PDGFD: variants seen among roughly 807,000 people sequenced by gnomAD.
PDGFD encodes the protein platelet-derived growth factor D.
PDGFD carries 30 observed loss-of-function variants against 44.7 expected under a neutral mutation model. The observed-to-expected ratio is 0.67, with a 90% confidence interval of 0.50 to 0.91. PDGFD has a LOEUF of 0.91. Ranked by LOEUF, PDGFD falls within the 40% of genes least tolerant of loss-of-function variation. The pLI, the probability that PDGFD is intolerant of heterozygous loss-of-function variation, is 0.00. For synonymous variants in PDGFD, 173 were observed against 168.4 expected, an observed-to-expected ratio of 1.03 and a Z score of -0.21; for missense variants, 445 against 457.8, an observed-to-expected ratio of 0.97 and a Z score of 0.25.
chr11:103,965,962 T>C (rs1859013610), intron 3 of PDGFD, among the ~76,000 whole-genome samples: 1 of 152,180 alleles, frequency 6.6e-6, no homozygotes, highest in Non-Finnish European at 1.5e-5. Context: ...ATTCAGCAAG[T>C]TGACGGCACT....
At chr11:104,134,119 A>G (rs1191260477) in intron 1 of PDGFD, among the ~76,000 whole-genome samples, 1 of 149,834 alleles carries the variant, frequency 6.7e-6, no homozygotes, top group Non-Finnish European at 1.5e-5. Context: ...TTATATTTCC[A>G]TCACCCTTTT....
At chr11:104,032,796 A>G (rs1860149946) in intron 1 of PDGFD, among the ~76,000 whole-genome samples, 1 of 152,050 alleles carries the variant, frequency 6.6e-6, no homozygotes, top group South Asian at 2.1e-4. Flanking sequence ...TAGGCCATAC[A>G]ATTAGAATTG....
intron 5 of PDGFD, among the ~76,000 whole-genome samples, chr11:103,930,117 C>A (rs1858377887): frequency 6.6e-6 from 1 of 152,164 alleles, no homozygotes; most frequent in Non-Finnish European, 1.5e-5. Flanking sequence ...TTTATCAAAG[C>A]TCTTTGACAT....
At chr11:103,939,475 T>C (rs560947614) in intron 5 of PDGFD, among the ~76,000 whole-genome samples, 4 of 152,324 alleles carry the variant, frequency 2.6e-5, no homozygotes, top group Admixed American at 6.5e-5. Flanking sequence ...TGGGGTTTTC[T>C]AGATATACAA....
chr11:104,033,751 T>G (rs186249421), intron 1 of PDGFD, among the ~76,000 whole-genome samples: 4 of 152,326 alleles, frequency 2.6e-5, no homozygotes, highest in Admixed American at 2.0e-4. Flanking sequence ...AAAACTGAAT[T>G]AAAGTCTTAC....
chr11:104,031,786 A>G (rs992226934), intron 1 of PDGFD, among the ~76,000 whole-genome samples: 1 of 152,240 alleles, frequency 6.6e-6, no homozygotes, highest in Non-Finnish European at 1.5e-5. Context: ...AATGTGGTAC[A>G]TATACATCAT....
intron 1 of PDGFD, among the ~76,000 whole-genome samples, chr11:104,100,651 A>G (rs529339073): frequency 6.6e-6 from 1 of 152,320 alleles, no homozygotes; most frequent in Non-Finnish European, 1.5e-5. Context: ...AACAAAAAAA[A>G]GAGAATTTTA....
intron 1 of PDGFD, among the ~76,000 whole-genome samples, chr11:104,066,905 A>G (rs1007667817): frequency 6.6e-6 from 1 of 152,152 alleles, no homozygotes; most frequent in African/African-American, 2.4e-5. Flanking sequence ...TGCTTTGTAC[A>G]TCTCCAAATA....
chr11:104,114,295 T>TC (rs1159358560), intron 1 of PDGFD, among the ~76,000 whole-genome samples: 1 of 147,962 alleles, frequency 6.8e-6, no homozygotes, highest in African/African-American at 2.5e-5. Flanking sequence ...CTGTGTAGAT[T>TC]CATTTTTTTT....
chr11:103,935,273 C>T lies in PDGFD; in HGVS notation c.773-8147G>A, dbSNP rs566036260. 2.0e-5 allele frequency among the ~76,000 whole-genome samples: 3 copies of T among 152,198 alleles called. No individual in the cohort carries two copies. The East Asian group carries it at 5.8e-4, about 29-fold the overall frequency. On this transcript the variant is annotated intron_variant, in intron 5 of 6. Transcript: ENST00000393158. ...ATGAAAGCAGAGGTGGCACAGGCACCAGGAGGAAAAACAACTGAAAGTTGT... is the reference window on the plus strand; with the variant it reads ...ATGAAAGCAGAGGTGGCACAGGCACTAGGAGGAAAAACAACTGAAAGTTGT...
chr11:103,944,989 G>C (rs1858648042), intron 4 of PDGFD, among the ~76,000 whole-genome samples: 1 of 151,874 alleles, frequency 6.6e-6, no homozygotes, highest in African/African-American at 2.4e-5. Flanking sequence ...CTAATTTTCA[G>C]TCATCCTTGT....
chr11:103,917,780 C>T (rs544045509), intron 6 of PDGFD, among the ~76,000 whole-genome samples: 56 of 152,254 alleles, frequency 3.7e-4, no homozygotes, highest in Admixed American at 1.4e-3. Flanking sequence ...TGACTTGAGG[C>T]CTCTCTAACA....
At chr11:104,148,327 A>G (rs979032052) in intron 1 of PDGFD, among the ~76,000 whole-genome samples, 21 of 152,326 alleles carry the variant, frequency 1.4e-4, no homozygotes, top group Admixed American at 9.2e-4. Context: ...TGTTGGAAAT[A>G]GACCAATGAT....
chr11:103,911,961 C>T (rs948439366), intron 6 of PDGFD, among the ~76,000 whole-genome samples: 1 of 117,322 alleles, frequency 8.5e-6, no homozygotes, highest in African/African-American at 3.2e-5. Flanking sequence ...ACAAAGCCTC[C>T]AAGAATTATG....
intron 1 of PDGFD, among the ~76,000 whole-genome samples, chr11:104,137,728 CTT>C (rs5794295): frequency 0.015 from 1,114 of 76,550 alleles, 18 homozygotes; most frequent in African/African-American, 0.043. Context: ...TAGATCACCA[CTT>C]TTTTTTTTTT....
chr11:104,108,613 C>T (rs987060611), intron 1 of PDGFD, among the ~76,000 whole-genome samples: 1 of 152,154 alleles, frequency 6.6e-6, no homozygotes, highest in African/African-American at 2.4e-5. Context: ...AGACTGTAAA[C>T]TAGTTCAACC....
In PDGFD at chr11:104,010,900, A is replaced by T. The variant is rs555537411; in HGVS notation, c.125-10645T>A. ...AGATCCTTTCCATAATACTAACTTA[A>T]CACCCAGAAAATAATAAGACAACCA... On this transcript the variant is annotated intron_variant, in intron 1 of 6. Transcript: ENST00000393158. Among the ~76,000 whole-genome samples the T allele has an allele frequency of 7.2e-5, 11 of 152,224 alleles. No homozygotes were observed. The South Asian group carries it at 2.3e-3, about 32-fold the overall frequency.
chr11:103,978,985 C>T (rs566583779), intron 3 of PDGFD, among the ~76,000 whole-genome samples: 4 of 152,116 alleles, frequency 2.6e-5, no homozygotes, highest in African/African-American at 7.2e-5. Context: ...CAAGGCAGCA[C>T]ATCAGAATCA....
chr11:103,917,978 G>T (rs943412224), intron 6 of PDGFD, among the ~76,000 whole-genome samples: 5 of 152,126 alleles, frequency 3.3e-5, no homozygotes, highest in Non-Finnish European at 7.4e-5. Flanking sequence ...TTCCATAGAC[G>T]GTCCAGTGAG....
Sources: allele counts gnomAD v4.1 joint callset (sites outside exome capture counted in the v4.1 genomes callset), GRCh38; gene constraint gnomAD v4.1.1; transcripts MANE v1.5; gene names NCBI Gene and HGNC (gene_info 2026-07-23, HGNC 2026-07-21).